The following DNAH14 variants were observed in gnomAD, a reference collection of about 807,000 sequenced individuals.
The protein encoded by DNAH14 is axonemal beta dynein heavy chain 14.
In DNAH14, 478 loss-of-function variants were observed where a neutral mutation model predicts 520.9. The ratio of observed to expected loss-of-function variants is 0.92; its 90% CI spans 0.85 to 0.99. The LOEUF is 0.99. DNAH14 is among the 50% of genes least tolerant of loss of function. The probability of loss-of-function intolerance (pLI) is 0.00; values close to 1 mark genes in which losing one functional copy is unlikely to be tolerated. For synonymous variants in DNAH14, 1,581 were observed against 1,757.2 expected (o/e 0.90, Z 2.51); for missense variants, 4,831 against 5,234.5 (o/e 0.92, Z 2.38).
intron 36 of DNAH14, among the ~76,000 whole-genome samples, chr1:225,182,719 A>T (rs2084191793): frequency 6.6e-6 from 1 of 152,150 alleles, no homozygotes; most frequent in Admixed American, 6.5e-5. Context: ...CTGCCACGAT[A>T]AAAGACAACA....
In DNAH14 at chr1:225,187,080, T is replaced by C. The variant is rs192473380; in HGVS notation, c.5670+1655T>C. On this transcript the variant is annotated intron_variant, in intron 37 of 85. Transcript: ENST00000682510. ...ACTCCTTGCTATATGCCTTTAGATA[T>C]ATGTGTGTCCTTAAAAATTTTATAC... Among the ~76,000 whole-genome samples, 61 of 151,962 alleles carry C rather than the reference T, an allele frequency of 4.0e-4. No individual in the cohort carries two copies. The East Asian group carries it at 0.01, about 25-fold the overall frequency.
At position 225,002,865 on chromosome 1, in the gene DNAH14, G is replaced by A; in HGVS notation, c.913G>A (p.Ala305Thr). 1.3e-6 allele frequency: 2 copies of A among 1,549,418 alleles called. No individual in the cohort carries two copies. The highest frequency in any genetic ancestry group is 1.7e-6 in the Non-Finnish European group (2 of 1,145,648). ...LVYIRGLCED[A>T]INLKNYNDHE... Reference sequence around the variant, plus strand: ...TTATATAAGAGGACTTTGTGAAGATGCAATTAATCTCAAAAATTATAATGA... The same window carrying A: ...TTATATAAGAGGACTTTGTGAAGATACAATTAATCTCAAAAATTATAATGA... Residue 305 changes from alanine (A) to threonine (T), a missense_variant, in exon 9 of 86, where the codon GCA becomes ACA. Coordinates refer to ENST00000682510, the MANE Select transcript of DNAH14 (RefSeq NM_001367479.1).
At chr1:225,304,052 G>A (rs149984213) in intron 57 of DNAH14, among the ~76,000 whole-genome samples, 2,709 of 152,228 alleles carry the variant, frequency 0.018, 29 homozygotes, top group Non-Finnish European at 0.03. Context: ...ACCAGTGACT[G>A]GTTAGACTTG....
chr1:225,218,183 G>A (rs930692518), intron 41 of DNAH14, among the ~76,000 whole-genome samples: 1 of 152,144 alleles, frequency 6.6e-6, no homozygotes, highest in East Asian at 1.9e-4. Flanking sequence ...GGGAAAACTA[G>A]TACCAGCCAC....
intron 47 of DNAH14, among the ~76,000 whole-genome samples, chr1:225,264,953 T>C (rs1056452663): frequency 3.3e-5 from 5 of 152,190 alleles, no homozygotes; most frequent in Non-Finnish European, 7.4e-5. Flanking sequence ...CGTGCATAAA[T>C]GTATGGAGGA....
intron 42 of DNAH14, 64 bp from the exon 43 acceptor site, chr1:225,240,529 T>A: frequency 1.0e-6 from 1 of 987,064 alleles, no homozygotes; most frequent in Non-Finnish European, 1.5e-6. Flanking sequence ...TTAAAGTAAA[T>A]TTCTATTCTT....
At chr1:225,087,985 A>C (rs1306655804) in intron 21 of DNAH14, among the ~76,000 whole-genome samples, 1 of 152,200 alleles carries the variant, frequency 6.6e-6, no homozygotes, top group Admixed American at 6.5e-5. Context: ...ATATGGAATA[A>C]CCAGTCCTGA....
At chr1:225,398,377 ATAAG>A (rs1163316442) in intron 84 of DNAH14, 139 bp from the exon 85 acceptor site, 1 of 1,004,824 alleles carries the variant, frequency 1.0e-6, no homozygotes, top group Non-Finnish European at 1.4e-6. Flanking sequence ...AGGAAAAAAA[ATAAG>A]TATTCACCTT....
At chr1:224,963,110 G>A (rs912267807) in intron 4 of DNAH14, among the ~76,000 whole-genome samples, 1 of 151,778 alleles carries the variant, frequency 6.6e-6, no homozygotes, top group African/African-American at 2.4e-5. Context: ...TAAATTTTTT[G>A]TTCATCTTTC....
chr1:225,140,998 T>C lies in DNAH14; in HGVS notation c.4485T>C (p.Asn1495=), dbSNP rs1296528721. The C allele has an allele frequency of 1.9e-6, 3 of 1,548,798 alleles. No individual in the cohort carries two copies. The highest frequency in any genetic ancestry group is 2.0e-5 in the Admixed American group (1 of 50,900). ...ATTTACTACTTAAAAATATCTTCAATGCAGAGGATTTTGAGTGGACAAGGT... is the reference window on the plus strand; with the variant it reads ...ATTTACTACTTAAAAATATCTTCAACGCAGAGGATTTTGAGTGGACAAGGT... ...VINLLLKNIF[N]AEDFEWTRHL... Residue 1495 remains asparagine (N), a synonymous_variant, in exon 28 of 86, where the codon AAT becomes AAC. Transcript: ENST00000682510.
chr1:225,084,544 A>G (rs952835146), intron 20 of DNAH14, among the ~76,000 whole-genome samples: 2 of 152,052 alleles, frequency 1.3e-5, no homozygotes, highest in African/African-American at 4.8e-5. Context: ...GGCTCTGAAA[A>G]ACCTACCACA....
chr1:225,086,990 CCACACACACACACACACACACA>C (rs57900981), intron 21 of DNAH14, among the ~76,000 whole-genome samples: 1 of 146,786 alleles, frequency 6.8e-6, no homozygotes, highest in Non-Finnish European at 1.5e-5. Flanking sequence ...GAAAAGAACA[CCACACACACACACACACACACA>C]CACACACACA....
intron 11 of DNAH14, among the ~76,000 whole-genome samples, chr1:225,031,319 A>G (rs757578721): frequency 3.9e-5 from 6 of 152,100 alleles, no homozygotes; most frequent in African/African-American, 1.4e-4. Context: ...AATATAGCCC[A>G]TAGGCCAAAT....
At chr1:225,054,113 A>G (rs1188002210) in intron 17 of DNAH14, among the ~76,000 whole-genome samples, 1 of 152,150 alleles carries the variant, frequency 6.6e-6, no homozygotes, top group Non-Finnish European at 1.5e-5. Flanking sequence ...GGCAGTAAAG[A>G]CATTTTCTGC....
intron 10 of DNAH14, among the ~76,000 whole-genome samples, chr1:225,021,425 A>G (rs978424585): frequency 2.6e-5 from 4 of 152,206 alleles, no homozygotes; most frequent in Non-Finnish European, 4.4e-5. Context: ...CCTACATCTG[A>G]TAAAATAACT....
At chr1:225,286,254 T>C (rs2093739891) in intron 54 of DNAH14, among the ~76,000 whole-genome samples, 1 of 152,140 alleles carries the variant, frequency 6.6e-6, no homozygotes, top group Admixed American at 6.6e-5. Context: ...AGGCTGAATA[T>C]GGTTTACTAT....
rs146938681 is a variant in DNAH14, at chr1:224,967,584, G to T, written c.651+1G>T. ...TATTACTGCTTCATTTATCTCAAAG[G>T]TAATGTTTAATGGATGTTTTAAGCT... On this transcript the variant is annotated splice_donor_variant, in intron 6 of 85. Transcript: ENST00000682510. LOFTEE classifies it high-confidence loss of function. 2.5e-6 allele frequency: 4 copies of T among 1,599,282 alleles called. No homozygotes were observed. The highest frequency in any genetic ancestry group is 3.4e-6 in the Non-Finnish European group (4 of 1,175,484).
intron 44 of DNAH14, among the ~76,000 whole-genome samples, chr1:225,255,859 A>G (rs1357787331): frequency 6.6e-6 from 1 of 152,214 alleles, no homozygotes. Flanking sequence ...TGCAAGAGAA[A>G]CTATTAAAAG....
chr1:225,221,767 G>A (rs1402029539), intron 41 of DNAH14, among the ~76,000 whole-genome samples: 2 of 152,174 alleles, frequency 1.3e-5, no homozygotes, highest in Non-Finnish European at 2.9e-5. Context: ...ACTGAAGGCA[G>A]CTGTTCTTAC....
Sources: allele counts gnomAD v4.1 joint callset (sites outside exome capture counted in the v4.1 genomes callset), GRCh38; gene constraint gnomAD v4.1.1; transcripts MANE v1.5; gene names NCBI Gene and HGNC (gene_info 2026-07-23, HGNC 2026-07-21).